The following IL1RAPL2 variants were observed in gnomAD, a reference collection of about 807,000 sequenced individuals.
IL1RAPL2 encodes X-linked interleukin-1 receptor accessory protein-like 2.
IL1RAPL2 carries 3 observed loss-of-function variants against 44.1 expected under a neutral mutation model. That is an observed-to-expected ratio of 0.07 (90% CI 0.03 to 0.18). The LOEUF is 0.18. Among genes scored for constraint, IL1RAPL2 ranks in the 10% least tolerant of loss-of-function variants. The pLI is 1.00. For missense variants in IL1RAPL2, 391 were observed against 496.4 expected (o/e 0.79, Z 2.02); for synonymous variants, 181 against 178.8 (o/e 1.01, Z -0.10).
intron 1 of IL1RAPL2, among the ~76,000 whole-genome samples, chrX:104,613,076 A>C (rs1421159429): frequency 8.9e-6 from 1 of 112,041 alleles, no homozygotes; most frequent in East Asian, 2.8e-4. Context: ...ATTTTGACAG[A>C]GTCTTTAGGG....
rs185193028 is a variant in IL1RAPL2 at position 105,127,739 on chromosome X, A to T, written c.83-67736A>T. ...AACCTTGCCAAATAAGTTGTATTAAACTAAAGATTTCTTGTATGTAGGTCA... is the reference window on the plus strand; with the variant it reads ...AACCTTGCCAAATAAGTTGTATTAATCTAAAGATTTCTTGTATGTAGGTCA... On this transcript the variant is annotated intron_variant, in intron 2 of 10. Transcript: ENST00000372582. Among the ~76,000 whole-genome samples, 32 of 111,301 alleles carry T rather than the reference A, an allele frequency of 2.9e-4. 1 individual carries two copies. In the East Asian group the frequency reaches 8.8e-3, roughly 30 times the overall value.
intron 4 of IL1RAPL2, among the ~76,000 whole-genome samples, chrX:105,243,955 G>T (rs1407961622): frequency 9.0e-6 from 1 of 111,630 alleles, no homozygotes; most frequent in Non-Finnish European, 1.9e-5. Context: ...CTTAAGATTT[G>T]TATTTGCCTT....
intron 5 of IL1RAPL2, among the ~76,000 whole-genome samples, chrX:105,294,478 C>G (rs1465454769): frequency 2.7e-5 from 3 of 112,124 alleles, no homozygotes; most frequent in African/African-American, 9.7e-5. Context: ...CACTGCCTTT[C>G]ATGGTCTGTT....
At chrX:105,328,130 C>G (rs1027314045) in intron 5 of IL1RAPL2, among the ~76,000 whole-genome samples, 21 of 111,457 alleles carry the variant, frequency 1.9e-4, no homozygotes, top group Non-Finnish European at 4.0e-4. Context: ...ATGAAAGAAG[C>G]AAGAGTACTT....
intron 2 of IL1RAPL2, among the ~76,000 whole-genome samples, chrX:104,712,313 G>A (rs1187812431): frequency 9.0e-6 from 1 of 110,820 alleles, no homozygotes; most frequent in Non-Finnish European, 1.9e-5. Flanking sequence ...GTTTGCCACA[G>A]GGAATAAATT....
intron 2 of IL1RAPL2, among the ~76,000 whole-genome samples, chrX:104,918,378 T>C (rs1924527746): frequency 9.0e-6 from 1 of 111,198 alleles, no homozygotes; most frequent in South Asian, 3.8e-4. Flanking sequence ...CATCAACAAG[T>C]GATCATGTAC....
chrX:105,763,138 T>C (rs1395596894), intron 10 of IL1RAPL2, among the ~76,000 whole-genome samples: 1 of 111,885 alleles, frequency 8.9e-6, no homozygotes, highest in Non-Finnish European at 1.9e-5. Context: ...TTTGTAAAGG[T>C]CCAGATAGTA....
intron 3 of IL1RAPL2, chrX:105,220,051 T>C: frequency 3.3e-6 from 4 of 1,211,689 alleles, no homozygotes; most frequent in Non-Finnish European, 4.5e-6. Flanking sequence ...CTCCTGCTGC[T>C]CCCTGAGCTT....
chrX:105,586,725 T>A (rs1348187635), intron 6 of IL1RAPL2, among the ~76,000 whole-genome samples: 1 of 112,328 alleles, frequency 8.9e-6, no homozygotes, highest in African/African-American at 3.2e-5. Flanking sequence ...GTTCTTTTTT[T>A]GCTTCATATA....
At chrX:104,859,055 G>A (rs985316025) in intron 2 of IL1RAPL2, among the ~76,000 whole-genome samples, 2 of 111,622 alleles carry the variant, frequency 1.8e-5, no homozygotes, top group African/African-American at 6.5e-5. Context: ...TTCCATTGAG[G>A]TTTTGTTCAA....
chrX:105,471,874 C>T (rs2147770812), intron 5 of IL1RAPL2, among the ~76,000 whole-genome samples: 1 of 111,834 alleles, frequency 8.9e-6, no homozygotes, highest in African/African-American at 3.2e-5. Flanking sequence ...AATGACCTGA[C>T]CACTTTTTGA....
chrX:105,068,842 ATTGT>A lies in IL1RAPL2; in HGVS notation c.83-126629_83-126626del, dbSNP rs749122345. Among the ~76,000 whole-genome samples, 12 of 112,183 alleles carry A rather than the reference ATTGT, an allele frequency of 1.1e-4. No individual in the cohort carries two copies. In the East Asian group the frequency reaches 3.4e-3, roughly 31 times the overall value. On this transcript the variant is annotated intron_variant, in intron 2 of 10. Coordinates refer to ENST00000372582, the MANE Select transcript of IL1RAPL2 (RefSeq NM_017416.2). Reference sequence around the variant, plus strand: ...TAAAATGGTTGATAGGAAGCAAAAAATTGTTTGCCATGCATTTTAATACTTTCAT... The same window carrying A: ...TAAAATGGTTGATAGGAAGCAAAAAATTGCCATGCATTTTAATACTTTCAT...
chrX:104,951,726 C>A (rs1209865555), intron 2 of IL1RAPL2, among the ~76,000 whole-genome samples: 4 of 112,329 alleles, frequency 3.6e-5, no homozygotes, highest in Non-Finnish European at 7.5e-5. Context: ...TACTCAACAA[C>A]TAATTGTCTT....
intron 6 of IL1RAPL2, among the ~76,000 whole-genome samples, chrX:105,674,480 C>T (rs147725856): frequency 0.015 from 1,639 of 111,459 alleles, 8 homozygotes; most frequent in Non-Finnish European, 0.023. Context: ...GATGGTTGTA[C>T]ATGCGCAATC....
At chrX:104,744,293 A>C (rs1932138570) in intron 2 of IL1RAPL2, among the ~76,000 whole-genome samples, 1 of 111,622 alleles carries the variant, frequency 9.0e-6, no homozygotes, top group South Asian at 3.7e-4. Context: ...ATATTTATGA[A>C]AATATTTTCT....
At chrX:104,943,235 C>A (rs1221519487) in intron 2 of IL1RAPL2, among the ~76,000 whole-genome samples, 1 of 110,530 alleles carries the variant, frequency 9.0e-6, no homozygotes, top group African/African-American at 3.3e-5. Context: ...TCTGCAGATT[C>A]CCTTTGTGAT....
intron 5 of IL1RAPL2, among the ~76,000 whole-genome samples, chrX:105,402,381 C>G (rs1217074959): frequency 9.0e-6 from 1 of 111,578 alleles, no homozygotes; most frequent in Non-Finnish European, 1.9e-5. Context: ...AATGTACTTT[C>G]CTAGCCTGTT....
At chrX:105,143,785 A>G (rs1053963475) in intron 2 of IL1RAPL2, among the ~76,000 whole-genome samples, 1 of 110,720 alleles carries the variant, frequency 9.0e-6, no homozygotes, top group Non-Finnish European at 1.9e-5. Context: ...TGGGAATTGA[A>G]CAATGAGAAC....
intron 6 of IL1RAPL2, among the ~76,000 whole-genome samples, chrX:105,607,356 GC>G (rs1411325882): frequency 9.3e-6 from 1 of 107,053 alleles, no homozygotes; most frequent in Non-Finnish European, 1.9e-5. Context: ...GATTGTTTTT[GC>G]TTTTTTTCAT....
Sources: gnomAD v4.1 joint callset for allele counts (sites outside exome capture counted in the v4.1 genomes callset) on GRCh38, gnomAD v4.1.1 for gene constraint, MANE v1.5 for transcripts, NCBI Gene and HGNC (gene_info 2026-07-23, HGNC 2026-07-21) for gene names.